The following ANKRD45 variants were observed in gnomAD, a reference collection of about 807,000 sequenced individuals.
ANKRD45 encodes the protein ankyrin repeat domain 45, also known as ankyrin repeat domain-containing protein 45.
Under a neutral mutation model 28.1 loss-of-function variants are expected in ANKRD45, and 21 were observed. The observed-to-expected ratio is 0.75, with a 90% confidence interval of 0.53 to 1.08. ANKRD45 has a LOEUF of 1.08. Among genes scored for constraint, ANKRD45 ranks in the 50% least tolerant of loss-of-function variants. The probability of loss-of-function intolerance (pLI) is 0.00; values close to 1 mark genes in which losing one functional copy is unlikely to be tolerated. For missense variants in ANKRD45, 261 were observed against 308.7 expected (o/e 0.85, Z 1.16); for synonymous variants, 86 against 103.9 (o/e 0.83, Z 1.05).
chr1:173,645,523 A>G (rs973238191), intron 3 of ANKRD45, among the ~76,000 whole-genome samples: 2 of 152,204 alleles, frequency 1.3e-5, no homozygotes, highest in Non-Finnish European at 2.9e-5. Flanking sequence ...GGTGGGAACT[A>G]TATTATTTGC....
intron 2 of ANKRD45, among the ~76,000 whole-genome samples, chr1:173,655,865 G>A (rs1465861502): frequency 6.6e-6 from 1 of 152,248 alleles, no homozygotes; most frequent in Non-Finnish European, 1.5e-5. Context: ...TCAGACTGAT[G>A]TGCTAGCAGT....
chr1:173,610,859 A>G (rs1667114767), intron 5 of ANKRD45, among the ~76,000 whole-genome samples: 1 of 152,122 alleles, frequency 6.6e-6, no homozygotes, highest in African/African-American at 2.4e-5. Context: ...AAAATAATTC[A>G]GGTCTTAATT....
intron 2 of ANKRD45, 26 bp downstream of exon 2, chr1:173,659,065 C>T (rs2102387612): frequency 2.5e-6 from 4 of 1,604,688 alleles, no homozygotes; most frequent in Non-Finnish European, 3.4e-6. Context: ...ATAAGTAATA[C>T]TGATGAGAGA....
intron 2 of ANKRD45, chr1:173,658,295 G>C (rs1669634266): frequency 6.4e-6 from 1 of 157,388 alleles, no homozygotes; most frequent in East Asian, 1.9e-4. Flanking sequence ...TTACACTCCA[G>C]CCTGGGCGAC....
chr1:173,673,168 TG>T (rs1670312273), upstream of ANKRD45, among the ~76,000 whole-genome samples: 1 of 150,772 alleles, frequency 6.6e-6, no homozygotes, highest in African/African-American at 2.4e-5. Context: ...TGGAGTGCAG[TG>T]GTGTCATCTC....
At chr1:173,654,493 T>G (rs925366111) in intron 2 of ANKRD45, among the ~76,000 whole-genome samples, 1 of 152,228 alleles carries the variant, frequency 6.6e-6, no homozygotes, top group Admixed American at 6.5e-5. Flanking sequence ...CTTCCCTTTG[T>G]GGGTAACCCA....
At chr1:173,708,687 G>A in the ANKRD45 span, among the ~76,000 whole-genome samples, 1 of 152,186 alleles carries the variant, frequency 6.6e-6, no homozygotes, top group Admixed American at 6.5e-5. Flanking sequence ...AATGTGGAAT[G>A]ACTTTCTATC....
At chr1:173,647,993 AG>A (rs1669015944) in intron 2 of ANKRD45, among the ~76,000 whole-genome samples, 1 of 151,816 alleles carries the variant, frequency 6.6e-6, no homozygotes, top group Non-Finnish European at 1.5e-5. Context: ...GCCAGGCTGG[AG>A]TGCGGTGGCA....
the ANKRD45 span, among the ~76,000 whole-genome samples, chr1:173,678,160 C>G: frequency 6.6e-6 from 1 of 152,174 alleles, no homozygotes; most frequent in Admixed American, 6.5e-5. Flanking sequence ...GAACTGGTAC[C>G]ATTCCTTCTG....
At chr1:173,664,217 A>G (rs1017310504) in intron 1 of ANKRD45, among the ~76,000 whole-genome samples, 3 of 152,200 alleles carry the variant, frequency 2.0e-5, no homozygotes, top group Non-Finnish European at 4.4e-5. Context: ...TGTATGCAGG[A>G]CATTTCCCGT....
At chr1:173,671,479 T>C (rs542496919), upstream of ANKRD45, among the ~76,000 whole-genome samples, 4 of 152,170 alleles carry the variant, frequency 2.6e-5, no homozygotes, top group East Asian at 7.7e-4. Flanking sequence ...CACGTGCTCC[T>C]CTCCCAAGTG....
In ANKRD45 at chr1:173,646,845, C is replaced by T. The variant is rs1438259860; in HGVS notation, c.496+1G>A. The T allele has an allele frequency of 1.2e-6, 2 of 1,613,548 alleles. No individual in the cohort carries two copies. The highest frequency in any genetic ancestry group is 4.5e-5 in the East Asian group (2 of 44,872). Reference sequence around the variant, plus strand: ...TGCTAACCCCTTGTGAGCTTCCTTACCTGCCCAGTCCAGGAATTCAACACA... The same window carrying T: ...TGCTAACCCCTTGTGAGCTTCCTTATCTGCCCAGTCCAGGAATTCAACACA... On this transcript the variant is annotated splice_donor_variant, in intron 3 of 5. Transcript: ENST00000333279. LOFTEE classifies it high-confidence loss of function.
the ANKRD45 span, among the ~76,000 whole-genome samples, chr1:173,699,298 G>A: frequency 3.3e-3 from 503 of 152,258 alleles, 6 homozygotes; most frequent in African/African-American, 0.011. Flanking sequence ...TAGAAAAAGA[G>A]AGAATCCTCC....
upstream of ANKRD45, chr1:173,669,912 G>GTTA (rs1297738635): frequency 5.9e-6 from 1 of 169,028 alleles, no homozygotes; most frequent in Non-Finnish European, 1.5e-5. Flanking sequence ...GCGCGGGAAG[G>GTTA]TTATTCTTGG....
intron 3 of ANKRD45, among the ~76,000 whole-genome samples, chr1:173,643,096 A>G (rs1390855984): frequency 6.6e-6 from 1 of 152,094 alleles, no homozygotes; most frequent in Non-Finnish European, 1.5e-5. Flanking sequence ...GATTATATAT[A>G]GAATAGAAGC....
In ANKRD45 at chr1:173,643,430, C is replaced by A. The variant is rs1379605096; in HGVS notation, c.496+3416G>T. Among the ~76,000 whole-genome samples the A allele has an allele frequency of 2.6e-5, 4 of 152,042 alleles. No individual in the cohort carries two copies. The East Asian group carries it at 7.7e-4, about 29-fold the overall frequency. On this transcript the variant is annotated intron_variant, in intron 3 of 5. Coordinates refer to ENST00000333279, the MANE Select transcript of ANKRD45 (RefSeq NM_198493.3). ...TCATGATCCACCTGCCTTGGTCTCC[C>A]AAAGTCCCGGGATTACAGGTGTGAG...
the ANKRD45 span, among the ~76,000 whole-genome samples, chr1:173,695,387 T>C: frequency 6.6e-6 from 1 of 152,152 alleles, no homozygotes; most frequent in Non-Finnish European, 1.5e-5. Context: ...CCAGTGTTTA[T>C]TGTTGCCATC....
chr1:173,639,984 A>G (rs558454467), intron 3 of ANKRD45, among the ~76,000 whole-genome samples: 1 of 152,264 alleles, frequency 6.6e-6, no homozygotes, highest in South Asian at 2.1e-4. Context: ...ATCCACCTTC[A>G]TCAGGGAGGG....
chr1:173,612,612 C>T (rs1355725797), intron 5 of ANKRD45: 1 of 152,820 alleles, frequency 6.5e-6, no homozygotes, highest in African/African-American at 2.4e-5. Context: ...CCCTCTCCCT[C>T]TCCTTCCACA....
Sources: allele counts gnomAD v4.1 joint callset (sites outside exome capture counted in the v4.1 genomes callset), GRCh38; gene constraint gnomAD v4.1.1; transcripts MANE v1.5; gene names NCBI Gene and HGNC (gene_info 2026-07-23, HGNC 2026-07-21).